Variants in PITPNB observed in about 807,000 individuals in gnomAD.
The protein encoded by PITPNB is phosphatidylinositol transfer protein beta isoform.
In PITPNB, 16 loss-of-function variants were observed where a neutral mutation model predicts 45.9. The ratio of observed to expected loss-of-function variants is 0.35; its 90% CI spans 0.24 to 0.53. The LOEUF (loss-of-function observed/expected upper bound fraction) is 0.53. Ranked by LOEUF, PITPNB falls within the 20% of genes least tolerant of loss-of-function variation. The probability of loss-of-function intolerance (pLI) is 0.93; values close to 1 mark genes in which losing one functional copy is unlikely to be tolerated. For synonymous variants in PITPNB, 112 were observed against 108.9 expected, an observed-to-expected ratio of 1.03 and a Z score of -0.18; for missense variants, 188 against 330.5, an observed-to-expected ratio of 0.57 and a Z score of 3.34.
intron 7 of PITPNB, among the ~76,000 whole-genome samples, chr22:27,885,007 C>CTT (rs111588183): frequency 6.9e-6 from 1 of 145,114 alleles, no homozygotes. Flanking sequence ...GTTCCAATTT[C>CTT]TTTTTTTTTT....
intron 7 of PITPNB, among the ~76,000 whole-genome samples, chr22:27,892,277 C>T (rs916664441): frequency 3.9e-5 from 6 of 152,186 alleles, no homozygotes; most frequent in African/African-American, 1.4e-4. Context: ...GCAATCTGCC[C>T]TTACTCTGCT....
In PITPNB at chr22:27,858,837, G is replaced by T. The variant is rs796528944; in HGVS notation, c.646-328C>A. Among the ~76,000 whole-genome samples the T allele has an allele frequency of 6.8e-3, 1,034 of 152,142 alleles. 7 individuals are homozygous for T. Among genetic ancestry groups the T allele is most frequent in the African/African-American group, 0.023 (939 of 41,512 alleles). ...GATTTATTTTTACCTTTTTCTAAAT[G>T]TCAATGAGCAAAGGTCAACTAGATT... On this transcript the variant is annotated intron_variant, in intron 9 of 11. Coordinates refer to ENST00000335272, the MANE Select transcript of PITPNB (RefSeq NM_012399.5).
At chr22:27,881,642 G>A (rs1269912346) in intron 7 of PITPNB, among the ~76,000 whole-genome samples, 5 of 152,152 alleles carry the variant, frequency 3.3e-5, no homozygotes, top group Non-Finnish European at 7.3e-5. Context: ...TAAAGAGCCG[G>A]GTAGCCACTG....
At chr22:27,870,353 C>T (rs768905637) in intron 8 of PITPNB, among the ~76,000 whole-genome samples, 5 of 152,158 alleles carry the variant, frequency 3.3e-5, no homozygotes, top group Non-Finnish European at 5.9e-5. Flanking sequence ...TGCAATAATT[C>T]AGAGGGAAAA....
intron 8 of PITPNB, 186 bp from the exon 9 acceptor site, chr22:27,860,427 C>G: frequency 2.0e-6 from 1 of 496,014 alleles, no homozygotes; most frequent in Non-Finnish European, 3.6e-6. Context: ...GCTGTAAACC[C>G]TCCTTCCACA....
intron 7 of PITPNB, among the ~76,000 whole-genome samples, chr22:27,889,551 T>A (rs746833734): frequency 2.0e-5 from 3 of 152,180 alleles, no homozygotes; most frequent in Non-Finnish European, 2.9e-5. Flanking sequence ...ACTCTACACA[T>A]CCTCATGTCA....
intron 9 of PITPNB, among the ~76,000 whole-genome samples, chr22:27,859,370 A>T (rs1934254582): frequency 6.6e-6 from 1 of 152,360 alleles, no homozygotes; most frequent in Admixed American, 6.5e-5. Context: ...GTTTAAAAAT[A>T]GAAAAGTTAT....
chr22:27,912,077 T>G (rs939151542), intron 2 of PITPNB, among the ~76,000 whole-genome samples: 3 of 152,240 alleles, frequency 2.0e-5, no homozygotes, highest in Admixed American at 2.0e-4. Flanking sequence ...AGAAGTGTAT[T>G]TCTTCTTTAT....
intron 3 of PITPNB, among the ~76,000 whole-genome samples, chr22:27,905,830 T>A (rs1402608136): frequency 1.3e-5 from 2 of 152,230 alleles, no homozygotes; most frequent in African/African-American, 4.8e-5. Context: ...GACTGGTCAG[T>A]GTGTTCGTAC....
chr22:27,880,941 G>C (rs1248162797), intron 7 of PITPNB, among the ~76,000 whole-genome samples: 1 of 152,146 alleles, frequency 6.6e-6, no homozygotes, highest in Non-Finnish European at 1.5e-5. Context: ...TAAAATCCTT[G>C]CTAATGTTTA....
chr22:27,884,203 T>G (rs1935051797), intron 7 of PITPNB, among the ~76,000 whole-genome samples: 1 of 152,148 alleles, frequency 6.6e-6, no homozygotes, highest in African/African-American at 2.4e-5. Flanking sequence ...CCCGTAATTG[T>G]GTCCCCATTA....
At chr22:27,853,751 C>A (rs1288157086) in intron 11 of PITPNB, 88 bp from the exon 12 acceptor site, 1 of 908,846 alleles carries the variant, frequency 1.1e-6, no homozygotes, top group Non-Finnish European at 1.8e-6. Context: ...TCTCCAAATG[C>A]ATCAAAACTT....
intron 8 of PITPNB, among the ~76,000 whole-genome samples, chr22:27,871,249 A>G (rs1020316032): frequency 2.6e-5 from 4 of 152,364 alleles, no homozygotes; most frequent in African/African-American, 9.6e-5. Flanking sequence ...TCATAGTATC[A>G]AACTACTTTT....
chr22:27,903,054 C>G (rs1360772513), intron 3 of PITPNB, among the ~76,000 whole-genome samples: 1 of 152,058 alleles, frequency 6.6e-6, no homozygotes, highest in Non-Finnish European at 1.5e-5. Context: ...AAGACACTAT[C>G]AAGAAAGTGA....
At chr22:27,897,727 A>G in intron 4 of PITPNB, 74 bp downstream of exon 4, 1 of 983,328 alleles carries the variant, frequency 1.0e-6, no homozygotes, top group East Asian at 2.4e-5. Context: ...AAACCTTCTC[A>G]AAGACACTGG....
chr22:27,900,743 C>A (rs1156432334), intron 3 of PITPNB, among the ~76,000 whole-genome samples: 2 of 152,086 alleles, frequency 1.3e-5, no homozygotes, highest in Non-Finnish European at 2.9e-5. Context: ...CATGGTAGTT[C>A]AAGTGTGCCA....
At chr22:27,880,426 C>T (rs921738803) in intron 7 of PITPNB, among the ~76,000 whole-genome samples, 2 of 152,136 alleles carry the variant, frequency 1.3e-5, no homozygotes, top group African/African-American at 4.8e-5. Context: ...CCATGAGCTG[C>T]TCAAAAACAT....
chr22:27,861,036 A>G (rs1934314763), intron 8 of PITPNB, among the ~76,000 whole-genome samples: 1 of 150,370 alleles, frequency 6.7e-6, no homozygotes, highest in African/African-American at 2.4e-5. Flanking sequence ...AAAAAAAAAA[A>G]AAAAAAAAAA....
intron 6 of PITPNB, 75 bp from the exon 7 acceptor site, chr22:27,894,713 C>G (rs778737184): frequency 1.0e-4 from 85 of 815,246 alleles, no homozygotes; most frequent in Non-Finnish European, 1.7e-4. Context: ...TAATCTTTAT[C>G]TTGAGTCTCT....
Sources: gnomAD v4.1 joint callset for allele counts (sites outside exome capture counted in the v4.1 genomes callset) on GRCh38, gnomAD v4.1.1 for gene constraint, MANE v1.5 for transcripts, NCBI Gene and HGNC (gene_info 2026-07-23, HGNC 2026-07-21) for gene names.